Variants in TDP1 observed in about 807,000 individuals in gnomAD.
TDP1 encodes tyrosyl-DNA phosphodiesterase 1.
Under a neutral mutation model 81.5 loss-of-function variants are expected in TDP1, and 64 were observed. The observed-to-expected ratio is 0.79, with a 90% CI of 0.64 to 0.97. The LOEUF is 0.97. TDP1 is among the 50% of genes least tolerant of loss of function. The pLI is 0.00. For synonymous variants in TDP1, 256 were observed against 264.3 expected, an observed-to-expected ratio of 0.97 and a Z score of 0.30; for missense variants, 723 against 743.8, an observed-to-expected ratio of 0.97 and a Z score of 0.33.
At chr14:89,978,296 A>G (rs1233228642) in intron 7 of TDP1, among the ~76,000 whole-genome samples, 1 of 152,250 alleles carries the variant, frequency 6.6e-6, no homozygotes, top group Non-Finnish European at 1.5e-5. Context: ...GTGACCTTGG[A>G]TAATCCCTGT....
At chr14:89,981,498 C>G (rs971287536) in intron 8 of TDP1, 1 of 454,294 alleles carries the variant, frequency 2.2e-6, no homozygotes, top group Non-Finnish European at 4.4e-6. Context: ...TAGAGAAGAG[C>G]TGGTTAACAA....
rs1327256237 is a variant in TDP1 at position 89,995,985 on chromosome 14, T to C, written c.1541+2502T>C. On this transcript the variant is annotated intron_variant, in intron 14 of 16. Transcript: ENST00000335725. ...TTACAATAGGAAGAGACCAATTATG[T>C]GCTTGAGGTGGGCACATGGATGCTT... 6.6e-5 allele frequency among the ~76,000 whole-genome samples: 10 copies of C among 152,182 alleles called. No homozygotes were observed. In the East Asian group the frequency reaches 1.9e-3, roughly 29 times the overall value.
At chr14:89,987,396 TA>T (rs35444905) in intron 10 of TDP1, among the ~76,000 whole-genome samples, 3 of 152,222 alleles carry the variant, frequency 2.0e-5, no homozygotes, top group East Asian at 3.8e-4. Context: ...AGTGATGGTA[TA>T]AAAAAAGTTA....
intron 11 of TDP1, chr14:89,989,311 G>A (rs1036409880): frequency 1.2e-5 from 12 of 984,930 alleles, no homozygotes; most frequent in African/African-American, 5.3e-5. Flanking sequence ...TTGCCGATTC[G>A]TTCAGGAGCT....
At chr14:90,021,374 G>C (rs987884919) in intron 15 of TDP1, among the ~76,000 whole-genome samples, 1 of 152,132 alleles carries the variant, frequency 6.6e-6, no homozygotes, top group Non-Finnish European at 1.5e-5. Flanking sequence ...TAATAACTGT[G>C]GCTGGAGTTC....
intron 8 of TDP1, chr14:89,981,538 C>T (rs139688525): frequency 6.6e-6 from 3 of 452,274 alleles, no homozygotes; most frequent in South Asian, 1.6e-5. Context: ...GAAACTCGGA[C>T]GTTTGTCTAG....
At chr14:89,962,911 C>A in intron 2 of TDP1, 197 bp from the exon 3 acceptor site, 4 of 985,068 alleles carry the variant, frequency 4.1e-6, no homozygotes, top group Non-Finnish European at 4.8e-6. Flanking sequence ...GTGACCAGGA[C>A]TTTTGCTTGT....
At chr14:89,973,500 G>T (rs1893891751) in intron 6 of TDP1, among the ~76,000 whole-genome samples, 1 of 152,192 alleles carries the variant, frequency 6.6e-6, no homozygotes, top group Non-Finnish European at 1.5e-5. Context: ...TGACGTACAG[G>T]ATTGTGTCCT....
rs1159092571 is a variant in TDP1 at position 89,991,570 on chromosome 14, T to C, written c.1367-347T>C. The C allele has an allele frequency of 3.0e-6, 3 of 984,944 alleles. No individual in the cohort carries two copies. The East Asian group carries it at 3.4e-4, about 111-fold the overall frequency. The allele number at this position is 984,944 out of a possible 1,614,324, so 61.0% of individuals were successfully genotyped here. ...GTTGAATGGGTTTCTAAAAAGTGAT[T>C]AGCGAGTTGTCATTAGTTTTCAGTA... On this transcript the variant is annotated intron_variant, in intron 12 of 16. Coordinates refer to ENST00000335725, the MANE Select transcript of TDP1 (RefSeq NM_018319.4).
At chr14:89,961,601 C>T (rs541236481) in intron 2 of TDP1, among the ~76,000 whole-genome samples, 22 of 152,194 alleles carry the variant, frequency 1.4e-4, no homozygotes, top group East Asian at 3.9e-4. Context: ...GTGTTTAAAC[C>T]GCAGAAGGGA....
At position 89,993,466 on chromosome 14, in the gene TDP1, T is replaced by G. The variant is rs745330927; in HGVS notation, c.1524T>G (p.Ala508=). ...CTTCTCCAGACTTCAGTAAAATTGC[T>G]TGGTTCCTTGTCACAAGGTAAATAG... The part of the protein sequence containing the change: ...MRPSPDFSKI[A]WFLVTSANLS... The change falls in exon 14 of 17, where the codon GCT becomes GCG. Residue 508 remains alanine (A), a synonymous_variant. Coordinates refer to ENST00000335725, the MANE Select transcript of TDP1 (RefSeq NM_018319.4). The G allele has an allele frequency of 2.5e-6, 4 of 1,613,494 alleles. No individual in the cohort carries two copies. Among genetic ancestry groups the G allele is most frequent in the Non-Finnish European group, 3.4e-6 (4 of 1,179,660 alleles).
At chr14:89,981,366 G>A (rs1416794863) in intron 8 of TDP1, 5 of 415,170 alleles carry the variant, frequency 1.2e-5, no homozygotes, top group Non-Finnish European at 2.4e-5. Context: ...CCCTTTTCAA[G>A]AGGGGTTTGC....
chr14:90,020,189 A>G (rs1885807244), intron 15 of TDP1, among the ~76,000 whole-genome samples: 1 of 152,116 alleles, frequency 6.6e-6, no homozygotes, highest in African/African-American at 2.4e-5. Context: ...CTGTTTCTCT[A>G]AATGCTAGAA....
intron 15 of TDP1, among the ~76,000 whole-genome samples, chr14:90,027,694 G>T (rs1300095281): frequency 6.6e-6 from 1 of 152,196 alleles, no homozygotes; most frequent in Non-Finnish European, 1.5e-5. Context: ...AAGTGAGACA[G>T]AGAGGAGCTA....
rs1887122388 is a variant in TDP1, at chr14:90,030,203, C to CTGTGT, written c.1645-2903_1645-2902insTGTGT. The stretch of plus-strand genomic sequence containing the variant: ...GCTGCCGAGCTGGCCTGCCTGCCCT[C>CTGTGT]CGTGTCTTCCCTGTCCCCCTCCTCT... On this transcript the variant is annotated intron_variant, in intron 15 of 16. Coordinates refer to ENST00000335725, the MANE Select transcript of TDP1 (RefSeq NM_018319.4). 2.6e-5 allele frequency among the ~76,000 whole-genome samples: 4 copies of CTGTGT among 152,334 alleles called. No homozygotes were observed. In the South Asian group the frequency reaches 8.3e-4, roughly 32 times the overall value.
chr14:89,987,048 T>C (rs1340290130), intron 10 of TDP1: 15 of 152,256 alleles, frequency 9.9e-5, no homozygotes, highest in Non-Finnish European at 2.9e-5. Context: ...AGCTGGTATG[T>C]GTATGTAAAT....
At position 90,033,220 on chromosome 14, in the gene TDP1, A is replaced by G. The variant is rs1887484384; in HGVS notation, c.1753+6A>G. ...AGAACTGTATGGAAGTAAAGGTGAG[A>G]CACAGATAAAGGAAAACCACGGGTG... On this transcript the variant is annotated splice_donor_region_variant and intron_variant, in intron 16 of 16. Transcript: ENST00000335725. 2 of 1,549,988 alleles carry G rather than the reference A, an allele frequency of 1.3e-6. No individual in the cohort carries two copies. The highest frequency in any genetic ancestry group is 1.4e-5 in the African/African-American group (1 of 73,578).
chr14:89,965,133 A>T (rs1892783637), intron 3 of TDP1, among the ~76,000 whole-genome samples: 1 of 152,192 alleles, frequency 6.6e-6, no homozygotes, highest in African/African-American at 2.4e-5. Flanking sequence ...TTATCTCTGC[A>T]ACTCTCCCAA....
intron 14 of TDP1, among the ~76,000 whole-genome samples, chr14:89,995,696 T>C (rs1896602169): frequency 6.6e-6 from 1 of 152,238 alleles, no homozygotes; most frequent in African/African-American, 2.4e-5. Context: ...TCACTTTTTC[T>C]GAACCTGTCA....
Sources: gnomAD v4.1 joint callset for allele counts (sites outside exome capture counted in the v4.1 genomes callset) on GRCh38, gnomAD v4.1.1 for gene constraint, MANE v1.5 for transcripts, NCBI Gene and HGNC (gene_info 2026-07-23, HGNC 2026-07-21) for gene names.